The following HECTD4 variants were observed in gnomAD, a reference collection of about 807,000 sequenced individuals.
The protein encoded by HECTD4 is HECT domain E3 ubiquitin protein ligase 4, also known as probable E3 ubiquitin-protein ligase HECTD4.
In HECTD4, 114 loss-of-function variants were observed where a neutral mutation model predicts 471.5. The ratio of observed to expected loss-of-function variants is 0.24; its 90% CI spans 0.21 to 0.28. The LOEUF (loss-of-function observed/expected upper bound fraction) is 0.28, where lower values mean the gene tolerates loss of function less well. HECTD4 is among the 10% of genes least tolerant of loss of function. The probability of loss-of-function intolerance (pLI) is 1.00; values close to 1 mark genes in which losing one functional copy is unlikely to be tolerated. For synonymous variants in HECTD4, 2,012 were observed against 2,256.0 expected (o/e 0.89, Z 3.07); for missense variants, 3,866 against 5,651.5 (o/e 0.68, Z 10.13).
chr12:112,313,257 T>C, intron 3 of HECTD4, 110 bp from the exon 4 acceptor site: 1 of 627,182 alleles, frequency 1.6e-6, no homozygotes, highest in Non-Finnish European at 2.5e-6. Flanking sequence ...CTAAGATGTA[T>C]AATATTTTAT....
chr12:112,373,179 CACTA>C (rs757486662), intron 1 of HECTD4, among the ~76,000 whole-genome samples: 1 of 152,136 alleles, frequency 6.6e-6, no homozygotes, highest in African/African-American at 2.4e-5. Flanking sequence ...TTAGCTTTGC[CACTA>C]ACTATCTTAC....
intron 1 of HECTD4, among the ~76,000 whole-genome samples, chr12:112,377,844 T>C (rs1481575658): frequency 6.6e-6 from 1 of 151,988 alleles, no homozygotes; most frequent in South Asian, 2.1e-4. Context: ...CACTCCAGCC[T>C]GGGTAACAAG....
At chr12:112,364,164 G>A (rs2036512893) in intron 1 of HECTD4, among the ~76,000 whole-genome samples, 1 of 151,850 alleles carries the variant, frequency 6.6e-6, no homozygotes, top group African/African-American at 2.4e-5. Flanking sequence ...CAGCAGTTTG[G>A]GAGGCTAAGA....
chr12:112,300,387 T>G lies in HECTD4; in HGVS notation c.1335+5677A>C, dbSNP rs1165132206. On this transcript the variant is annotated intron_variant, in intron 7 of 75. Coordinates refer to ENST00000682272, the MANE Select transcript of HECTD4 (RefSeq NM_001388303.1). ...CAGAATTCTGAAAGTACTGCTCCAT[T>G]TTCGCATCCAGGAATGCTATTGGAT... 3.3e-5 allele frequency among the ~76,000 whole-genome samples: 5 copies of G among 152,066 alleles called. No homozygotes were observed. The East Asian group carries it at 5.8e-4, about 18-fold the overall frequency.
chr12:112,174,769 G>C (rs1009478991), intron 66 of HECTD4, among the ~76,000 whole-genome samples: 3 of 151,800 alleles, frequency 2.0e-5, no homozygotes, highest in African/African-American at 7.3e-5. Flanking sequence ...TCACCATATT[G>C]GCCAGGCTGG....
rs1268535733 is a variant in HECTD4, at chr12:112,212,785, A to T, written c.7466-135T>A. 4 of 622,054 alleles carry T rather than the reference A, an allele frequency of 6.4e-6. No individual in the cohort carries two copies. In the East Asian group the frequency reaches 1.4e-4, roughly 22 times the overall value. The allele number at this position is 622,054 out of a possible 1,614,324, so 38.5% of individuals were successfully genotyped here. A position where few individuals can be genotyped will look rare whatever the true frequency, so the allele number is the denominator to read the frequency against. On this transcript the variant is annotated intron_variant, in intron 48 of 75. Transcript: ENST00000682272. ...TTACTTCTGAAATGGACATGAAGTT[A>T]TTGTTATTTATTTATTTATTTATTT...
chr12:112,217,270 A>T, intron 45 of HECTD4, 75 bp from the exon 46 acceptor site: 1 of 1,254,724 alleles, frequency 8.0e-7, no homozygotes, highest in Non-Finnish European at 1.1e-6. Flanking sequence ...GAAGAAAAAA[A>T]TTTTATCTGA....
chr12:112,382,031 C>A lies in HECTD4; in HGVS notation c.98G>T (p.Gly33Val). The A allele has an allele frequency of 1.6e-6, 2 of 1,224,648 alleles. No homozygotes were observed. The highest frequency in any genetic ancestry group is 2.0e-6 in the Non-Finnish European group (2 of 983,330). The allele number at this position is 1,224,648 out of a possible 1,614,324, so 75.9% of individuals were successfully genotyped here. ...VKEETIFLHD[G>V]LIRVTDLAEL... ...GGCCAGGTCGGTGACCCGGATCAGC[C>A]CGTCGTGCAGGAAGATGGTCTCTTC... The change falls in exon 1 of 76, where the codon GGG becomes GTG. Residue 33 changes from glycine (G) to valine (V), a missense_variant. Coordinates refer to ENST00000682272, the MANE Select transcript of HECTD4 (RefSeq NM_001388303.1).
At chr12:112,232,171 C>T (rs1029190560) in intron 38 of HECTD4, among the ~76,000 whole-genome samples, 1 of 152,146 alleles carries the variant, frequency 6.6e-6, no homozygotes, top group African/African-American at 2.4e-5. Flanking sequence ...TGCTCTGTTG[C>T]CCAGACTAGA....
rs754718495 is a variant in HECTD4, at chr12:112,228,275, G to A, written c.6685-17C>T. Reference sequence around the variant, plus strand: ...AGGCAATGCCTGATGGCGGTGGGGGGGCATGGCAAAAAGTTAAATTCAAGT... The same window carrying A: ...AGGCAATGCCTGATGGCGGTGGGGGAGCATGGCAAAAAGTTAAATTCAAGT... On this transcript the variant is annotated splice_polypyrimidine_tract_variant and intron_variant, in intron 42 of 75. Transcript: ENST00000682272. This position sits in a 1 kb window ranked among gnomAD's most constrained non-coding sequence, Gnocchi z 4.9. 4 of 1,546,392 alleles carry A rather than the reference G, an allele frequency of 2.6e-6. No homozygotes were observed. The highest frequency in any genetic ancestry group is 2.1e-5 in the Admixed American group (1 of 47,244).
chr12:112,323,971 T>TC (rs2035653038), intron 1 of HECTD4, among the ~76,000 whole-genome samples: 1 of 27,460 alleles, frequency 3.6e-5, no homozygotes, highest in Admixed American at 3.3e-4. Context: ...TCTTTCTTCC[T>TC]TCCTTCCTTC....
At chr12:112,294,687 CTT>C (rs1208247206) in intron 7 of HECTD4, among the ~76,000 whole-genome samples, 1 of 152,042 alleles carries the variant, frequency 6.6e-6, no homozygotes, top group Non-Finnish European at 1.5e-5. Context: ...CAAAACAGCT[CTT>C]GTTAGCGCTG....
Position 112,193,150 on chromosome 12 carries a change from G to C in HECTD4, c.8997C>G (p.Ser2999=), listed in dbSNP as rs769358133. 1.9e-6 allele frequency: 3 copies of C among 1,613,940 alleles called. No homozygotes were observed. In the Admixed American group the frequency reaches 5.0e-5, roughly 27 times the overall value. ...EQFPSEEFPI[S]ESKVNMDVNF... The stretch of plus-strand genomic sequence containing the variant: ...TCACGTCCATGTTGACTTTGGATTC[G>C]GAAATTGGGAACTCTTCGGAGGGGA... The change falls in exon 58 of 76, where the codon TCC becomes TCG. Residue 2999 remains serine, a synonymous_variant. Transcript: ENST00000682272. This position sits in a 1 kb window ranked among gnomAD's most constrained non-coding sequence, Gnocchi z 5.2.
At chr12:112,240,311 G>C (rs1205198710) in intron 32 of HECTD4, among the ~76,000 whole-genome samples, 1 of 152,186 alleles carries the variant, frequency 6.6e-6, no homozygotes, top group Non-Finnish European at 1.5e-5. Flanking sequence ...TTCAGTAAGG[G>C]TAAAGCGAAT....
intron 28 of HECTD4, 56 bp from the exon 29 acceptor site, chr12:112,247,132 A>AT (rs1160926200): frequency 8.9e-6 from 12 of 1,343,386 alleles, no homozygotes; most frequent in Non-Finnish European, 1.1e-5. Flanking sequence ...AAAAACAACT[A>AT]TTAAAAAAAA....
chr12:112,203,478 A>G, intron 54 of HECTD4, 158 bp downstream of exon 54: 1 of 579,278 alleles, frequency 1.7e-6, no homozygotes, highest in Non-Finnish European at 2.9e-6. Flanking sequence ...AAGCTCAGGC[A>G]AGTCAATTGG....
chr12:112,318,010 TC>T (rs983909624), intron 2 of HECTD4, among the ~76,000 whole-genome samples: 1 of 141,792 alleles, frequency 7.1e-6, no homozygotes, highest in Admixed American at 7.3e-5. Context: ...GCACAGTGGC[TC>T]ATGCCTGTAT....
chr12:112,285,230 TG>T (rs1268065109), intron 7 of HECTD4, among the ~76,000 whole-genome samples: 2 of 152,162 alleles, frequency 1.3e-5, no homozygotes, highest in Non-Finnish European at 2.9e-5. Context: ...CCCTCCTTCC[TG>T]TCTCTCTCTT....
In HECTD4 at chr12:112,252,562, T is replaced by C; in HGVS notation, c.3448-34A>G. The C allele has an allele frequency of 1.9e-6, 3 of 1,591,936 alleles. No individual in the cohort carries two copies. In the South Asian group the frequency reaches 3.5e-5, roughly 18 times the overall value. On this transcript the variant is annotated intron_variant, in intron 22 of 75. Coordinates refer to ENST00000682272, the MANE Select transcript of HECTD4 (RefSeq NM_001388303.1). The stretch of plus-strand genomic sequence containing the variant: ...TTAAGGAAGGGGGGGAAATGCACTT[T>C]AAAAACAAGATACACAATTTCAAAA...
Sources: gnomAD v4.1 joint callset for allele counts (sites outside exome capture counted in the v4.1 genomes callset) on GRCh38, gnomAD v4.1.1 for gene constraint, Gnocchi (gnomAD v3.1) non-coding constraint, MANE v1.5 for transcripts, NCBI Gene and HGNC (gene_info 2026-07-23, HGNC 2026-07-21) for gene names.